Variants in UGT2B4 observed in about 807,000 individuals in gnomAD.
The protein encoded by UGT2B4 is UDP-glucuronosyltransferase 2B4.
UGT2B4 carries 49 observed loss-of-function variants against 49.8 expected under a neutral mutation model. The observed-to-expected ratio is 0.98, with a 90% CI of 0.78 to 1.25. UGT2B4 has a LOEUF of 1.25. Among genes scored for constraint, UGT2B4 ranks in the 50% most tolerant of loss-of-function variants. The pLI, the probability that UGT2B4 is intolerant of heterozygous loss-of-function variation, is 0.00. For synonymous variants in UGT2B4, 246 were observed against 217.7 expected, an observed-to-expected ratio of 1.13 and a Z score of -1.14; for missense variants, 729 against 627.7, an observed-to-expected ratio of 1.16 and a Z score of -1.73.
At position 69,495,690 on chromosome 4, in the gene UGT2B4, A is replaced by C. The variant is rs566782140; in HGVS notation, c.172T>G (p.Ser58Ala). 6.2e-7 allele frequency: 1 copy of C among 1,614,088 alleles called. No homozygotes were observed. Among genetic ancestry groups the C allele is most frequent in the Non-Finnish European group, 8.5e-7 (1 of 1,179,964 alleles). Residue 58 changes from serine to alanine, a missense_variant, in exon 1 of 6, where the codon TCT (serine) becomes GCT (alanine). Ser to Ala is a moderately conservative substitution (Grantham distance 99, BLOSUM62 1). Coordinates refer to ENST00000305107, the MANE Select transcript of UGT2B4 (RefSeq NM_021139.3). ...GGATCGAAAGAAATGGAAGCTGAAGATGCCAATACAGTCACCTCATGACCT... is the reference window on the plus strand; with the variant it reads ...GGATCGAAAGAAATGGAAGCTGAAGCTGCCAATACAGTCACCTCATGACCT... ...QRGHEVTVLA[S>A]SASISFDPNS...
At chr4:69,482,973 A>T (rs566238974) in intron 5 of UGT2B4, among the ~76,000 whole-genome samples, 1 of 152,228 alleles carries the variant, frequency 6.6e-6, no homozygotes, top group East Asian at 1.9e-4. Context: ...TATAATCAAT[A>T]GACATTTGAG....
rs571402302 is a variant in UGT2B4, at chr4:69,485,223, A to G, written c.1295T>C (p.Val432Ala). ...STDLLNALKTVINDPLYKENA... is the reference protein window; with the variant it reads ...STDLLNALKTAINDPLYKENA... ...TTATACTCACAAAGGATCATTAATTACTGTCTTCAGTGCATTGAGTAAGTC... is the reference window on the plus strand; with the variant it reads ...TTATACTCACAAAGGATCATTAATTGCTGTCTTCAGTGCATTGAGTAAGTC... The change falls in exon 5 of 6, where the codon GTA becomes GCA. Residue 432 changes from valine to alanine, a missense_variant. Transcript: ENST00000305107. 10 of 1,614,032 alleles carry G rather than the reference A, an allele frequency of 6.2e-6. No homozygotes were observed. Among genetic ancestry groups the G allele is most frequent in the East Asian group, 4.5e-5 (2 of 44,868 alleles).
At chr4:69,519,983 T>A (rs989688855) in intron 1 of UGT2B4, among the ~76,000 whole-genome samples, 1 of 152,192 alleles carries the variant, frequency 6.6e-6, no homozygotes, top group African/African-American at 2.4e-5. Context: ...AAATGAAATA[T>A]AGTATCTCAC....
rs1302720649 is a variant in UGT2B4, at chr4:69,495,235, C to G, written c.627G>C (p.Glu209Asp). 1 of 1,610,174 alleles carries G rather than the reference C, an allele frequency of 6.2e-7. No individual in the cohort carries two copies. The highest frequency in any genetic ancestry group is 1.3e-5 in the African/African-American group (1 of 74,766). The change falls in exon 1 of 6, where the codon GAG becomes GAC. Residue 209 changes from glutamate (E) to aspartate (D), a missense_variant. Physicochemically the swap from Glu to Asp is conservative, Grantham distance 45. Transcript: ENST00000305107. ...GCACATAGATCATATTTTTTACCCT[C>G]TCTATGAAAGTCATTTGGTCACTTA... ...SELSDQMTFI[E>D]RVKNMIYVLY... is the part of the protein sequence containing the mutation.
chr4:69,521,359 C>T (rs1377329586), intron 1 of UGT2B4, among the ~76,000 whole-genome samples: 5 of 152,170 alleles, frequency 3.3e-5, no homozygotes, highest in Non-Finnish European at 5.9e-5. Context: ...GTGACAACCT[C>T]TTTGGGGCTC....
chr4:69,482,712 T>C (rs1306430916), intron 5 of UGT2B4, among the ~76,000 whole-genome samples: 3 of 152,058 alleles, frequency 2.0e-5, no homozygotes, highest in Non-Finnish European at 2.9e-5. Flanking sequence ...GTTCAAGTAA[T>C]ATTCCTGCCT....
At chr4:69,522,966 T>A (rs1161444707) in intron 1 of UGT2B4, among the ~76,000 whole-genome samples, 1 of 152,178 alleles carries the variant, frequency 6.6e-6, no homozygotes, top group Non-Finnish European at 1.5e-5. Context: ...TCTTCTCCAA[T>A]GCAGAAGCAA....
chr4:69,489,530 A>G lies in UGT2B4; in HGVS notation c.911T>C (p.Val304Ala), dbSNP rs1727916784. 6.2e-7 allele frequency: 1 copy of G among 1,611,564 alleles called. No individual in the cohort carries two copies. The highest frequency in any genetic ancestry group is 1.3e-5 in the African/African-American group (1 of 74,748). Residue 304 changes from valine to alanine, a missense_variant, in exon 3 of 6, where the codon GTT (valine) becomes GCT (alanine). By Grantham distance (64) the Val-to-Ala change is moderately conservative. Transcript: ENST00000305107. ...EFVQSSGENGVVVFSLGSMVS... is the reference protein window; with the variant it reads ...EFVQSSGENGAVVFSLGSMVS... ...CATCGACCCCAGAGAAAACACCACA[A>G]CACCATTTTCTCCAGAGCTCTGGAC...
chr4:69,495,047 C>T, intron 1 of UGT2B4, 94 bp downstream of exon 1: 2 of 1,135,596 alleles, frequency 1.8e-6, no homozygotes, highest in Non-Finnish European at 2.4e-6. Flanking sequence ...TACAAAAATA[C>T]CCCACTACCC....
upstream of UGT2B4, among the ~76,000 whole-genome samples, chr4:69,500,587 A>T (rs1728279496): frequency 8.1e-6 from 1 of 122,874 alleles, no homozygotes; most frequent in Non-Finnish European, 1.8e-5. Flanking sequence ...GAAAGCAAGA[A>T]AGCAAGCAAG....
intron 1 of UGT2B4, among the ~76,000 whole-genome samples, chr4:69,513,487 C>A (rs1728657602): frequency 6.6e-6 from 1 of 152,104 alleles, no homozygotes; most frequent in African/African-American, 2.4e-5. Context: ...GTTACTGTAG[C>A]CTTGTAGTAT....
Position 69,516,370 on chromosome 4 carries a change from G to T in UGT2B4, c.-106+9317C>A, listed in dbSNP as rs570128366. The stretch of plus-strand genomic sequence containing the variant: ...CCCAGTAATGGGAACGCTGAGTCAA[G>T]TGGTATTTCTGGTTCCAGGTCTTTG... On this transcript the variant is annotated intron_variant, in intron 1 of 1. Coordinates refer to the UGT2B4 transcript ENST00000510114. Among the ~76,000 whole-genome samples the T allele has an allele frequency of 2.0e-5, 3 of 152,276 alleles. No individual in the cohort carries two copies. The East Asian group carries it at 5.8e-4, about 29-fold the overall frequency.
At chr4:69,489,729 A>G (rs1051022889) in intron 2 of UGT2B4, among the ~76,000 whole-genome samples, 159 bp from the exon 3 acceptor site, 3 of 152,002 alleles carry the variant, frequency 2.0e-5, no homozygotes, top group African/African-American at 4.8e-5. Context: ...TTTTTGCAAT[A>G]TGTATAATAT....
intron 1 of UGT2B4, among the ~76,000 whole-genome samples, chr4:69,521,220 G>A (rs1320819331): frequency 6.6e-6 from 1 of 152,202 alleles, no homozygotes; most frequent in Non-Finnish European, 1.5e-5. Context: ...CCACCTAATG[G>A]TGGGACTGAA....
At chr4:69,488,718 T>C (rs532881264) in intron 3 of UGT2B4, among the ~76,000 whole-genome samples, 1 of 151,892 alleles carries the variant, frequency 6.6e-6, no homozygotes, top group Non-Finnish European at 1.5e-5. Context: ...GGGGCCACAT[T>C]TTATACTACA....
Position 69,480,707 on chromosome 4 carries a change from A to T in UGT2B4, c.1514T>A (p.Ile505Lys). Residue 505 changes from isoleucine to lysine, a missense_variant, in exon 6 of 6, where the codon ATA becomes AAA. Physicochemically the swap from Ile to Lys is moderately radical, Grantham distance 102 (BLOSUM62 -3). Coordinates refer to ENST00000305107, the MANE Select transcript of UGT2B4 (RefSeq NM_021139.3). The part of the protein sequence containing the change: ...GFLLACVATV[I>K]FIITKCLFCV... ...AAACAGACATTTTGTGATGATGAAT[A>T]TCACAGTTGCCACACAGGCCAGCAG... is the stretch of plus-strand genomic sequence containing the variant. The T allele has an allele frequency of 6.2e-7, 1 of 1,614,076 alleles. No individual in the cohort carries two copies. Among genetic ancestry groups the T allele is most frequent in the Non-Finnish European group, 8.5e-7 (1 of 1,179,984 alleles).
At position 69,480,674 on chromosome 4, in the gene UGT2B4, C is replaced by T. The variant is rs1577876394; in HGVS notation, c.1547G>A (p.Trp516Ter). The change falls in exon 6 of 6, where the codon TGG (tryptophan) becomes TAG (stop). Residue 516 changes from tryptophan to a stop codon, truncating the protein, a stop_gained. Coordinates refer to ENST00000305107, the MANE Select transcript of UGT2B4 (RefSeq NM_021139.3). LOFTEE classifies it high-confidence loss of function. Reference protein sequence around the residue: ...FIITKCLFCVWKFVRTGKKGK... With the variant: ...FIITKCLFCV ...CTTCTTTCCTGTTCTAACAAACTTC[C>T]AGACACAAAACAGACATTTTGTGAT... is the stretch of plus-strand genomic sequence containing the variant. 3 of 1,614,030 alleles carry T rather than the reference C, an allele frequency of 1.9e-6. No homozygotes were observed. Among genetic ancestry groups the T allele is most frequent in the Middle Eastern group, 1.7e-4 (1 of 6,058 alleles).
intron 1 of UGT2B4, 135 bp from the exon 2 acceptor site, chr4:69,493,976 G>A (rs7441743): frequency 0.38 from 356,328 of 938,138 alleles, 69,280 homozygotes; most frequent in South Asian, 0.5. Context: ...ACATATATTC[G>A]TATATAGGCA....
intron 5 of UGT2B4, among the ~76,000 whole-genome samples, chr4:69,482,004 C>T (rs537200746): frequency 1.7e-4 from 26 of 152,172 alleles, no homozygotes; most frequent in Non-Finnish European, 3.5e-4. Context: ...CCTCAGGATC[C>T]TGCATTATCA....
Sources: gnomAD v4.1 joint callset for allele counts (sites outside exome capture counted in the v4.1 genomes callset) on GRCh38, gnomAD v4.1.1 for gene constraint, MANE v1.5 for transcripts, NCBI Gene and HGNC (gene_info 2026-07-23, HGNC 2026-07-21) for gene names.